CNNM3: variants seen among roughly 807,000 people sequenced by gnomAD.
The protein encoded by CNNM3 is metal transporter CNNM3.
CNNM3 carries 47 observed loss-of-function variants against 57.1 expected under a neutral mutation model. That is an observed-to-expected ratio of 0.82 (90% CI 0.65 to 1.05). CNNM3 has a LOEUF of 1.05. Ranked by LOEUF, CNNM3 falls within the 50% of genes least tolerant of loss-of-function variation. The pLI, the probability that CNNM3 is intolerant of heterozygous loss-of-function variation, is 0.00. For synonymous variants in CNNM3, 507 were observed against 478.2 expected (o/e 1.06, Z -0.79); for missense variants, 957 against 973.7 (o/e 0.98, Z 0.23).
Position 96,816,503 on chromosome 2 carries a change from T to A in CNNM3, c.226T>A (p.Trp76Arg). ...CGGCCCGGGCTTCGCCAACAGCTCT[T>A]GGTCCTGGGTGGCCCCGGAGGGGGC... ...LFGPGFANSSWSWVAPEGAGC... is the reference protein window; with the variant it reads ...LFGPGFANSSRSWVAPEGAGC... The change falls in exon 1 of 8, where the codon TGG (tryptophan) becomes AGG (arginine). Residue 76 changes from tryptophan (W) to arginine (R), a missense_variant. Coordinates refer to ENST00000305510, the MANE Select transcript of CNNM3 (RefSeq NM_017623.5). 1 of 1,423,288 alleles carries A rather than the reference T, an allele frequency of 7.0e-7. No individual in the cohort carries two copies. 88.2% of individuals were successfully genotyped at this position (1,423,288 alleles called of 1,614,324 possible).
rs759882604 is a variant in CNNM3 at position 96,816,452 on chromosome 2, G to C, written c.175G>C (p.Asp59His). 2.1e-6 allele frequency: 3 copies of C among 1,440,928 alleles called. No homozygotes were observed. The highest frequency in any genetic ancestry group is 6.1e-5 in the East Asian group (2 of 32,956). 89.3% of individuals were successfully genotyped at this position (1,440,928 alleles called of 1,614,324 possible). A position where few individuals can be genotyped will look rare whatever the true frequency, so the allele number is the denominator to read the frequency against. Residue 59 changes from aspartate (D) to histidine (H), a missense_variant, in exon 1 of 8, where the codon GAC becomes CAC. Physicochemically the swap from Asp to His is moderately conservative, Grantham distance 81. Around this residue, in one of 2 missense-constraint regions of CNNM3, gnomAD observed 466 missense variants for 403.1 expected, o/e 1.16. Coordinates refer to ENST00000305510, the MANE Select transcript of CNNM3 (RefSeq NM_017623.5). Reference protein sequence around the residue: ...VRGGAARDTPDATFLLRLFGP... With the variant: ...VRGGAARDTPHATFLLRLFGP... The stretch of plus-strand genomic sequence containing the variant: ...CGGAGGGGCGGCGCGGGACACGCCG[G>C]ACGCCACCTTCCTCCTGCGCCTCTT...
Position 96,816,389 on chromosome 2 carries a change from C to A in CNNM3, c.112C>A (p.Leu38Met). ...GGGCCCGCGAGTGCTGGGCTTCTGC[C>A]TGGAGGAGGATGGAGCGGCGGGCGC... ...APGPRVLGFC[L>M]EEDGAAGAGW... The change falls in exon 1 of 8, where the codon CTG (leucine) becomes ATG (methionine). Residue 38 changes from leucine (L) to methionine (M), a missense_variant. Coordinates refer to ENST00000305510, the MANE Select transcript of CNNM3 (RefSeq NM_017623.5). The A allele has an allele frequency of 7.3e-7, 1 of 1,365,110 alleles. No individual in the cohort carries two copies. The highest frequency in any genetic ancestry group is 1.8e-5 in the South Asian group (1 of 56,452). The allele number at this position is 1,365,110 out of a possible 1,614,324, so 84.6% of individuals were successfully genotyped here. A position where few individuals can be genotyped will look rare whatever the true frequency, so the allele number is the denominator to read the frequency against.
chr2:96,816,957 G>T lies in CNNM3; in HGVS notation c.680G>T (p.Gly227Val). ...CAGCGTGCGGTGCCCGCCGTGTTGGGCAGCGCGGGGCTCGTGTTCCTGGTG... is the reference window on the plus strand; with the variant it reads ...CAGCGTGCGGTGCCCGCCGTGTTGGTCAGCGCGGGGCTCGTGTTCCTGGTG... ...AGQRAVPAVL[G>V]SAGLVFLVGE... is the part of the protein sequence containing the mutation. The change falls in exon 1 of 8, where the codon GGC becomes GTC. Residue 227 changes from glycine (G) to valine (V), a missense_variant. Gly to Val is a moderately radical substitution (Grantham distance 109, BLOSUM62 -3). Transcript: ENST00000305510. 1 of 1,314,656 alleles carries T rather than the reference G, an allele frequency of 7.6e-7. No individual in the cohort carries two copies. The highest frequency in any genetic ancestry group is 1.6e-5 in the South Asian group (1 of 63,600). 81.4% of individuals were successfully genotyped at this position (1,314,656 alleles called of 1,614,324 possible).
downstream of CNNM3, among the ~76,000 whole-genome samples, chr2:96,835,501 C>CTCTT (rs2079677775): frequency 6.7e-6 from 1 of 148,220 alleles, no homozygotes; most frequent in South Asian, 2.1e-4. Context: ...CGGAGTCTCA[C>CTCTT]TCTTTTGCCC....
chr2:96,819,070 T>A (rs1181873887), intron 1 of CNNM3, among the ~76,000 whole-genome samples: 4 of 152,190 alleles, frequency 2.6e-5, no homozygotes, highest in Non-Finnish European at 5.9e-5. Flanking sequence ...CTGTTACTGC[T>A]GTAGCTCAGG....
intron 1 of CNNM3, among the ~76,000 whole-genome samples, chr2:96,818,123 G>C (rs2079352967): frequency 6.6e-6 from 1 of 152,190 alleles, no homozygotes; most frequent in Non-Finnish European, 1.5e-5. Flanking sequence ...TCCCAGCTCT[G>C]TCGCGCAGGC....
At position 96,832,969 on chromosome 2, in the gene CNNM3, G is replaced by A. The variant is rs1412199933; in HGVS notation, c.*353G>A. 1 of 1,357,948 alleles carries A rather than the reference G, an allele frequency of 7.4e-7. No homozygotes were observed. Among genetic ancestry groups the A allele is most frequent in the South Asian group, 1.2e-5 (1 of 81,608 alleles). The allele number at this position is 1,357,948 out of a possible 1,614,324, so 84.1% of individuals were successfully genotyped here. A position where few individuals can be genotyped will look rare whatever the true frequency, so the allele number is the denominator to read the frequency against. ...TCAGATTCAGACCTCTTTGGGCTGA[G>A]CCACCTTGTGAGTGCAGTTACTGCC... On this transcript the variant is annotated 3_prime_UTR_variant, in exon 8 of 8. Coordinates refer to ENST00000305510, the MANE Select transcript of CNNM3 (RefSeq NM_017623.5).
At chr2:96,826,185 A>G (rs760696967) in intron 2 of CNNM3, among the ~76,000 whole-genome samples, 1 of 151,992 alleles carries the variant, frequency 6.6e-6, no homozygotes. Context: ...GAAGTTTTTC[A>G]GTGGCCAGAG....
chr2:96,821,074 T>G (rs1343383065), intron 1 of CNNM3, among the ~76,000 whole-genome samples: 1 of 151,458 alleles, frequency 6.6e-6, no homozygotes, highest in Non-Finnish European at 1.5e-5. Context: ...GTGGGGGAGG[T>G]TTTTGGAACC....
At chr2:96,826,020 G>T (rs2079497072) in intron 2 of CNNM3, among the ~76,000 whole-genome samples, 2 of 152,186 alleles carry the variant, frequency 1.3e-5, no homozygotes, top group Non-Finnish European at 2.9e-5. Flanking sequence ...CGGGCCGCCT[G>T]CCCTGCATGC....
intron 7 of CNNM3, 75 bp downstream of exon 7, chr2:96,829,209 C>CT (rs2079561113): frequency 1.3e-6 from 2 of 1,503,702 alleles, no homozygotes; most frequent in Admixed American, 4.0e-5. Context: ...GACTTGCACT[C>CT]TCGCCGCCCC....
Position 96,817,251 on chromosome 2 carries a change from T to TCATGCTGGACGCCAGCAC in CNNM3, c.976_993dup (p.Met326_Thr331dup), listed in dbSNP as rs1305547506. On this transcript the variant is annotated inframe_insertion, in exon 1 of 8. Transcript: ENST00000305510. ...GTGCTCACGCCCCTCGAAGACTGCT[T>TCATGCTGGACGCCAGCAC]CATGCTGGACGCCAGCACCGTGCTG... 1 of 1,610,586 alleles carries TCATGCTGGACGCCAGCAC rather than the reference T, an allele frequency of 6.2e-7. No homozygotes were observed. The highest frequency in any genetic ancestry group is 2.2e-5 in the East Asian group (1 of 44,838).
At position 96,817,014 on chromosome 2, in the gene CNNM3, G is replaced by T. The variant is rs1311694187; in HGVS notation, c.737G>T (p.Arg246Leu). The T allele has an allele frequency of 3.7e-6, 5 of 1,368,092 alleles. No homozygotes were observed. The highest frequency in any genetic ancestry group is 1.4e-5 in the South Asian group (1 of 70,034). The allele number at this position is 1,368,092 out of a possible 1,614,324, so 84.7% of individuals were successfully genotyped here. ...GTGGTGCCGGCCGCCGTGAGCGGGC[G>T]CTGGACGCTGGCGCTGGCGCCGCGA... ...GEVVPAAVSG[R>L]WTLALAPRAL... Residue 246 changes from arginine to leucine, a missense_variant, in exon 1 of 8, where the codon CGC (arginine) becomes CTC (leucine). Arg to Leu is a moderately radical substitution (Grantham distance 102). This residue lies in a region of CNNM3 where 466 missense variants were observed against 403.1 expected (regional missense o/e 1.16). Transcript: ENST00000305510.
intron 7 of CNNM3, 63 bp downstream of exon 7, chr2:96,829,197 C>G: frequency 1.9e-6 from 3 of 1,551,716 alleles, no homozygotes; most frequent in Admixed American, 1.8e-5. Context: ...CTCACACACA[C>G]AGACTTGCAC....
At chr2:96,832,209 G>A in intron 7 of CNNM3, 1 of 1,058,178 alleles carries the variant, frequency 9.5e-7, no homozygotes, top group Non-Finnish European at 1.1e-6. Flanking sequence ...CATCCTTCTG[G>A]AAGACAGGAG....
At chr2:96,827,617 C>A in intron 3 of CNNM3, 114 bp from the exon 4 acceptor site, 1 of 1,100,864 alleles carries the variant, frequency 9.1e-7, no homozygotes, top group Admixed American at 2.3e-5. Flanking sequence ...GCTCACAGGC[C>A]ACCCGGGAGA....
At chr2:96,827,267 T>C (rs1305329038) in intron 3 of CNNM3, among the ~76,000 whole-genome samples, 1 of 140,044 alleles carries the variant, frequency 7.1e-6, no homozygotes, top group Admixed American at 7.0e-5. Context: ...GCCCAGTTCT[T>C]TTTTTTTTTT....
intron 3 of CNNM3, among the ~76,000 whole-genome samples, chr2:96,827,199 C>T (rs1289978925): frequency 2.0e-5 from 3 of 152,110 alleles, no homozygotes; most frequent in African/African-American, 7.2e-5. Flanking sequence ...CAGTGCCACG[C>T]CTGGTGCACC....
At position 96,833,183 on chromosome 2, in the gene CNNM3, G is replaced by A; in HGVS notation, c.*567G>A. 2.4e-6 allele frequency: 1 copy of A among 420,666 alleles called. No homozygotes were observed. The highest frequency in any genetic ancestry group is 1.9e-5 in the South Asian group (1 of 51,756). 26.1% of individuals were successfully genotyped at this position (420,666 alleles called of 1,614,324 possible). ...GCGCATGCGCCCCAGCCTTTCCCAT[G>A]TGCCAAACCAGAAGCTCCACTGCCC... is the stretch of plus-strand genomic sequence containing the variant. On this transcript the variant is annotated 3_prime_UTR_variant, in exon 8 of 8. Coordinates refer to ENST00000305510, the MANE Select transcript of CNNM3 (RefSeq NM_017623.5).
Sources: allele counts gnomAD v4.1 joint callset (sites outside exome capture counted in the v4.1 genomes callset), GRCh38; gene constraint gnomAD v4.1.1; regional missense constraint gnomAD v4.1.1; transcripts MANE v1.5; gene names NCBI Gene and HGNC (gene_info 2026-07-23, HGNC 2026-07-21).